Variants in GNAS observed in about 807,000 individuals in gnomAD.
GNAS encodes the protein protein ALEX.
GNAS carries 8 observed loss-of-function variants against 54.5 expected under a neutral mutation model. The observed-to-expected ratio is 0.15, with a 90% confidence interval of 0.09 to 0.26. GNAS has a LOEUF of 0.26. GNAS is among the 10% of genes least tolerant of loss of function. The probability of loss-of-function intolerance (pLI) is 1.00; values close to 1 mark genes in which losing one functional copy is unlikely to be tolerated. For missense variants in GNAS, 170 were observed against 529.8 expected, an observed-to-expected ratio of 0.32 and a Z score of 6.67; for synonymous variants, 204 against 191.4, an observed-to-expected ratio of 1.07 and a Z score of -0.54.
intron 6 of GNAS, among the ~76,000 whole-genome samples, chr20:58,905,744 G>A (rs6026594): frequency 7.2e-5 from 11 of 152,282 alleles, no homozygotes; most frequent in African/African-American, 2.6e-4. Flanking sequence ...GAGTTTCATA[G>A]TATTCCTAAT....
intron 1 of GNAS, among the ~76,000 whole-genome samples, chr20:58,892,745 T>G (rs943012517): frequency 6.7e-6 from 1 of 150,142 alleles, no homozygotes; most frequent in African/African-American, 2.5e-5. Flanking sequence ...AAAAAATGGA[T>G]AGAGTTAGTA....
intron 1 of GNAS, chr20:58,892,123 GTC>G (rs907017474): frequency 3.2e-5 from 31 of 967,196 alleles, no homozygotes; most frequent in Admixed American, 1.9e-4. Context: ...CCCGCTCAGT[GTC>G]TCTCTCTTGC....
intron 5 of GNAS, among the ~76,000 whole-genome samples, chr20:58,904,475 CA>C (rs969575545): frequency 6.6e-6 from 1 of 152,126 alleles, no homozygotes; most frequent in Non-Finnish European, 1.5e-5. Context: ...TTTTAGGGAA[CA>C]AAAAACTGTT....
intron 1 of GNAS, among the ~76,000 whole-genome samples, chr20:58,875,798 C>T (rs2087772342): frequency 2.0e-5 from 3 of 152,170 alleles, no homozygotes; most frequent in East Asian, 1.9e-4. Context: ...CCAGCGTCCA[C>T]GGCTATGACA....
Position 58,909,634 on chromosome 20 carries a change from A to G in GNAS, c.719-50A>G, listed in dbSNP as rs1363700880. On this transcript the variant is annotated intron_variant, in intron 9 of 12. Coordinates refer to ENST00000371085, the MANE Select transcript of GNAS (RefSeq NM_000516.7). The surrounding 1 kb of genome is among the most constrained non-coding windows in gnomAD (Gnocchi z 7.3). Reference sequence around the variant, plus strand: ...AAGAACGCTTTGCTTCTGTGTTGTTAGGGATCAGGGTCGCTGCTCACGCTC... The same window carrying G: ...AAGAACGCTTTGCTTCTGTGTTGTTGGGGATCAGGGTCGCTGCTCACGCTC... 2.6e-5 allele frequency: 42 copies of G among 1,613,990 alleles called. No individual in the cohort carries two copies. The Admixed American group carries it at 6.7e-4, about 26-fold the overall frequency.
intron 1 of GNAS, among the ~76,000 whole-genome samples, chr20:58,851,685 T>C (rs1286739417): frequency 6.6e-6 from 1 of 152,214 alleles, no homozygotes; most frequent in Non-Finnish European, 1.5e-5. Context: ...CGCAGCATGG[T>C]AGCGGGAGCG....
intron 1 of GNAS, among the ~76,000 whole-genome samples, chr20:58,884,117 T>C (rs962803410): frequency 3.3e-5 from 5 of 152,242 alleles, no homozygotes; most frequent in African/African-American, 1.2e-4. Flanking sequence ...AGTCTAAATC[T>C]CAGTTTTCCC....
intron 1 of GNAS, among the ~76,000 whole-genome samples, chr20:58,862,962 G>GAAAAAAAAAAAAAA (rs542171703): frequency 1.2e-5 from 1 of 82,340 alleles, no homozygotes. Context: ...TATTACACAT[G>GAAAAAAAAAAAAAA]AAAAAAAAAA....
chr20:58,883,592 G>GT (rs2088392703), intron 1 of GNAS, among the ~76,000 whole-genome samples: 1 of 152,196 alleles, frequency 6.6e-6, no homozygotes, highest in African/African-American at 2.4e-5. Context: ...GAAAGACACA[G>GT]TGCCATCTGG....
chr20:58,859,845 C>G (rs138863287), intron 1 of GNAS, among the ~76,000 whole-genome samples: 3,390 of 152,040 alleles, frequency 0.022, 66 homozygotes, highest in Middle Eastern at 0.054. Context: ...AGGCTGGTCT[C>G]AAACTCCTGA....
At chr20:58,904,732 T>C (rs1041117441) in intron 5 of GNAS, among the ~76,000 whole-genome samples, 1 of 152,336 alleles carries the variant, frequency 6.6e-6, no homozygotes, top group South Asian at 2.1e-4. Context: ...TTAGTATGGA[T>C]AGCTAAACTT....
At position 58,910,202 on chromosome 20, in the gene GNAS, G is replaced by T; in HGVS notation, c.970+121G>T. 1 of 1,319,674 alleles carries T rather than the reference G, an allele frequency of 7.6e-7. No individual in the cohort carries two copies. Among genetic ancestry groups the T allele is most frequent in the South Asian group, 1.2e-5 (1 of 84,826 alleles). The allele number at this position is 1,319,674 out of a possible 1,614,324, so 81.7% of individuals were successfully genotyped here. On this transcript the variant is annotated intron_variant, in intron 11 of 12. Coordinates refer to ENST00000371085, the MANE Select transcript of GNAS (RefSeq NM_000516.7). The surrounding 1 kb of genome is among the most constrained non-coding windows in gnomAD (Gnocchi z 5.8). Reference sequence around the variant, plus strand: ...CATAAAGGATCTATAAGAGAAGCAAGAAAAACGCACTCCCACTAATTCTCA... The same window carrying T: ...CATAAAGGATCTATAAGAGAAGCAATAAAAACGCACTCCCACTAATTCTCA...
intron 1 of GNAS, among the ~76,000 whole-genome samples, chr20:58,880,910 GA>G (rs1180955176): frequency 6.6e-6 from 1 of 152,154 alleles, no homozygotes; most frequent in Non-Finnish European, 1.5e-5. Context: ...CCAATAAACT[GA>G]GTGGATGTAT....
In GNAS at chr20:58,863,440, G is replaced by GGA. The variant is rs1361529416; in HGVS notation, c.43+22560_43+22561dup. On this transcript the variant is annotated intron_variant, in intron 1 of 12. Transcript: ENST00000306090. The surrounding 1 kb of genome is among the most constrained non-coding windows in gnomAD (Gnocchi z 4.1). ...TTTTTAATGATTCAATTTGGGGCGA[G>GGA]GAGAGAGGTATAAAGGTAGTATAAA... 1 of 152,154 alleles carries GGA rather than the reference G, an allele frequency of 6.6e-6. No individual in the cohort carries two copies. The highest frequency in any genetic ancestry group is 1.5e-5 in the Non-Finnish European group (1 of 68,026). 9.4% of individuals were successfully genotyped at this position (152,154 alleles called of 1,614,324 possible).
chr20:58,906,344 C>G (rs1187744728), intron 6 of GNAS, among the ~76,000 whole-genome samples: 1 of 152,124 alleles, frequency 6.6e-6, no homozygotes, highest in African/African-American at 2.4e-5. Flanking sequence ...GCTTCCCTTG[C>G]TGCCTAACAC....
At chr20:58,855,670 GCCCCGGGGC>G (rs1487006857) in intron 1 of GNAS, 2 of 660,672 alleles carry the variant, frequency 3.0e-6, no homozygotes, top group East Asian at 5.7e-5. Flanking sequence ...CCGGGGAGGG[GCCCCGGGGC>G]CCCGGGACTC....
intron 1 of GNAS, among the ~76,000 whole-genome samples, chr20:58,864,873 T>C (rs1600767947): frequency 1.3e-5 from 2 of 151,594 alleles, no homozygotes; most frequent in East Asian, 3.9e-4. Flanking sequence ...TTTCATGGGG[T>C]GGTTGTCCTA....
chr20:58,899,090 TA>T (rs1372817987), intron 3 of GNAS, 105 bp downstream of exon 3: 4 of 898,910 alleles, frequency 4.4e-6, no homozygotes, highest in Non-Finnish European at 7.4e-6. Context: ...AAAAATCATT[TA>T]AAGGACCATC....
At chr20:58,889,253 G>A (rs1382597402), upstream of GNAS, 3 of 1,082,424 alleles carry the variant, frequency 2.8e-6, no homozygotes, top group South Asian at 2.2e-5. Flanking sequence ...CTCTGGCTCC[G>A]GGCTGCGGCG....
Sources: gnomAD v4.1 joint callset for allele counts (sites outside exome capture counted in the v4.1 genomes callset) on GRCh38, gnomAD v4.1.1 for gene constraint, Gnocchi (gnomAD v3.1) non-coding constraint, MANE v1.5 for transcripts, NCBI Gene and HGNC (gene_info 2026-07-23, HGNC 2026-07-21) for gene names.